The following TIA1 variants were observed in gnomAD, a reference collection of about 807,000 sequenced individuals.
TIA1 encodes the protein cytotoxic granule associated RNA binding protein TIA1.
TIA1 carries 23 observed loss-of-function variants against 65.9 expected under a neutral mutation model. That is an observed-to-expected ratio of 0.35 (90% CI 0.25 to 0.49). The LOEUF (loss-of-function observed/expected upper bound fraction) is 0.49. TIA1 is among the 20% of genes least tolerant of loss of function. The pLI is 0.98. For synonymous variants in TIA1, 147 were observed against 149.4 expected, an observed-to-expected ratio of 0.98 and a Z score of 0.12; for missense variants, 371 against 477.9, an observed-to-expected ratio of 0.78 and a Z score of 2.09.
At chr2:70,224,785 G>A in intron 6 of TIA1, 156 bp from the exon 7 acceptor site, 1 of 1,397,654 alleles carries the variant, frequency 7.2e-7, no homozygotes, top group Non-Finnish European at 9.3e-7. Flanking sequence ...TCATGTATTA[G>A]GAAATGAGGC....
chr2:70,217,766 T>C (rs1430884940), intron 7 of TIA1, among the ~76,000 whole-genome samples: 1 of 152,214 alleles, frequency 6.6e-6, no homozygotes, highest in Non-Finnish European at 1.5e-5. Context: ...ATTACAGGCA[T>C]GAGCCACCAT....
chr2:70,236,268 G>A (rs1363135471), intron 1 of TIA1, 93 bp from the exon 2 acceptor site: 7 of 748,954 alleles, frequency 9.3e-6, no homozygotes, highest in East Asian at 8.5e-5. Flanking sequence ...GCACGATCTC[G>A]GCTCACCACA....
Position 70,215,560 on chromosome 2 carries a change from T to C in TIA1, c.765-66A>G, listed in dbSNP as rs1222212041. ...TTAAATATTTATGAATAAAACCTATTTTTAAAAATCAAGGTGAGTCTGAGG... is the reference window on the plus strand; with the variant it reads ...TTAAATATTTATGAATAAAACCTATCTTTAAAAATCAAGGTGAGTCTGAGG... On this transcript the variant is annotated intron_variant, in intron 10 of 12. Coordinates refer to ENST00000433529, the MANE Select transcript of TIA1 (RefSeq NM_022173.4). 2.1e-6 allele frequency: 3 copies of C among 1,447,878 alleles called. No individual in the cohort carries two copies. In the Admixed American group the frequency reaches 6.8e-5, roughly 33 times the overall value. The allele number at this position is 1,447,878 out of a possible 1,614,324, so 89.7% of individuals were successfully genotyped here. A position where few individuals can be genotyped will look rare whatever the true frequency, so the allele number is the denominator to read the frequency against.
chr2:70,227,634 A>T (rs1684373146), intron 6 of TIA1, 101 bp downstream of exon 6: 1 of 747,098 alleles, frequency 1.3e-6, no homozygotes, highest in East Asian at 2.8e-5. Context: ...TATTCAAGTT[A>T]TAAAATTAAT....
intron 2 of TIA1, 64 bp from the exon 3 acceptor site, chr2:70,230,918 T>TA (rs570158009): frequency 0.012 from 13,006 of 1,120,254 alleles, no homozygotes; most frequent in South Asian, 0.013. Context: ...TAAAATTATG[T>TA]AAAAAAAAAA....
In TIA1 at chr2:70,216,470, C is replaced by A; in HGVS notation, c.613G>T (p.Val205Phe). 6.2e-7 allele frequency: 1 copy of A among 1,613,898 alleles called. No homozygotes were observed. ...SNTKQLSYDE[V>F]VNQSSPSNCT... ...TTGCTTGGACTAGACTGATTTACAA[C>A]CTCATCATATGATAGCTGTTTGGTA... is the stretch of plus-strand genomic sequence containing the variant. Residue 205 changes from valine to phenylalanine, a missense_variant, in exon 9 of 13, where the codon GTT (valine) becomes TTT (phenylalanine). Coordinates refer to ENST00000433529, the MANE Select transcript of TIA1 (RefSeq NM_022173.4).
chr2:70,211,653 C>T lies in TIA1; in HGVS notation c.*1066G>A, dbSNP rs1215280079. On this transcript the variant is annotated 3_prime_UTR_variant, in exon 13 of 13. Coordinates refer to ENST00000433529, the MANE Select transcript of TIA1 (RefSeq NM_022173.4). ...ACATACAACTTTGTGTCTCAAAATTCTTGAAAAACAAGAGCAGATGACTTT... is the reference window on the plus strand; with the variant it reads ...ACATACAACTTTGTGTCTCAAAATTTTTGAAAAACAAGAGCAGATGACTTT... 2 of 152,628 alleles carry T rather than the reference C, an allele frequency of 1.3e-5. No homozygotes were observed. The highest frequency in any genetic ancestry group is 2.1e-4 in the South Asian group (1 of 4,828). The allele number at this position is 152,628 out of a possible 1,614,324, so 9.5% of individuals were successfully genotyped here.
chr2:70,229,026 G>T (rs189388534), intron 5 of TIA1, 33 bp downstream of exon 5: 61 of 1,589,184 alleles, frequency 3.8e-5, no homozygotes, highest in East Asian at 2.1e-4. Flanking sequence ...CCTTTCAAGA[G>T]ATTTCATTTT....
At chr2:70,245,365 A>C (rs1693836900) in intron 1 of TIA1, among the ~76,000 whole-genome samples, 1 of 152,210 alleles carries the variant, frequency 6.6e-6, no homozygotes, top group Admixed American at 6.6e-5. Context: ...ATAACAGTAT[A>C]GTTATCTCAA....
intron 2 of TIA1, among the ~76,000 whole-genome samples, chr2:70,233,422 G>A (rs1687386336): frequency 6.6e-6 from 1 of 152,120 alleles, no homozygotes; most frequent in African/African-American, 2.4e-5. Flanking sequence ...AACACAATGG[G>A]AATTCTATTA....
At chr2:70,227,697 T>C in intron 6 of TIA1, 38 bp downstream of exon 6, 1 of 1,365,422 alleles carries the variant, frequency 7.3e-7, no homozygotes, top group Non-Finnish European at 1.0e-6. Context: ...TATAATTGTT[T>C]CTAATTAAAA....
At chr2:70,219,973 T>A (rs1351530091) in intron 7 of TIA1, among the ~76,000 whole-genome samples, 2 of 152,122 alleles carry the variant, frequency 1.3e-5, no homozygotes, top group East Asian at 3.8e-4. Context: ...TTGAATTGTG[T>A]CCCTCAAAAC....
intron 7 of TIA1, 50 bp downstream of exon 7, chr2:70,224,504 T>C (rs1682974222): frequency 6.2e-7 from 1 of 1,609,654 alleles, no homozygotes; most frequent in South Asian, 1.1e-5. Flanking sequence ...ACGGAGTGTT[T>C]CCATTCTTTA....
At position 70,215,184 on chromosome 2, in the gene TIA1, G is replaced by A. The variant is rs189363421; in HGVS notation, c.888+187C>T. On this transcript the variant is annotated intron_variant, in intron 11 of 12. Coordinates refer to ENST00000433529, the MANE Select transcript of TIA1 (RefSeq NM_022173.4). Reference sequence around the variant, plus strand: ...TGTGTGAGCATGAGTCAATTGAGGCGGTCACATTCATCATGTCACCACTGC... The same window carrying A: ...TGTGTGAGCATGAGTCAATTGAGGCAGTCACATTCATCATGTCACCACTGC... 5.0e-4 allele frequency: 321 copies of A among 646,282 alleles called. 2 individuals carry two copies. In the East Asian group the frequency reaches 8.9e-3, roughly 18 times the overall value. The allele number at this position is 646,282 out of a possible 1,614,324, so 40.0% of individuals were successfully genotyped here. A position where few individuals can be genotyped will look rare whatever the true frequency, so the allele number is the denominator to read the frequency against.
In TIA1 at chr2:70,236,118, G is replaced by A; in HGVS notation, c.84C>T (p.Ser28=). The stretch of plus-strand genomic sequence containing the variant: ...TGCAGTTTTTACAAGGTCCAATCTG[G>A]CTAAAGAGTTGCAGAATTAGAGCTT... ...VTEALILQLF[S]QIGPCKNCKM... Residue 28 remains serine, a synonymous_variant, in exon 2 of 13, where the codon AGC becomes AGT. Coordinates refer to ENST00000433529, the MANE Select transcript of TIA1 (RefSeq NM_022173.4). 6.2e-7 allele frequency: 1 copy of A among 1,612,502 alleles called. No homozygotes were observed. The highest frequency in any genetic ancestry group is 8.5e-7 in the Non-Finnish European group (1 of 1,179,110).
intron 1 of TIA1, among the ~76,000 whole-genome samples, chr2:70,246,230 A>T (rs1348593734): frequency 1.3e-5 from 2 of 152,122 alleles, no homozygotes; most frequent in Non-Finnish European, 2.9e-5. Flanking sequence ...AGCCAATTAT[A>T]CCAGTTTCTT....
intron 7 of TIA1, among the ~76,000 whole-genome samples, chr2:70,220,418 AGAT>A (rs957388814): frequency 1.2e-4 from 19 of 152,100 alleles, no homozygotes; most frequent in African/African-American, 3.6e-4. Flanking sequence ...CGAAAAAAAA[AGAT>A]GATGATTATA....
chr2:70,222,136 A>AAAAC (rs199843119), intron 7 of TIA1, among the ~76,000 whole-genome samples: 2 of 139,654 alleles, frequency 1.4e-5, no homozygotes, highest in African/African-American at 5.0e-5. Flanking sequence ...AAAACAAAAC[A>AAAAC]AAACAAACAA....
chr2:70,236,650 C>T (rs919633457), intron 1 of TIA1, among the ~76,000 whole-genome samples: 4 of 151,808 alleles, frequency 2.6e-5, no homozygotes, highest in African/African-American at 9.7e-5. Context: ...TTTTTTCAGA[C>T]AAGGTCTTCT....
Sources: allele counts gnomAD v4.1 joint callset (sites outside exome capture counted in the v4.1 genomes callset), GRCh38; gene constraint gnomAD v4.1.1; transcripts MANE v1.5; gene names NCBI Gene and HGNC (gene_info 2026-07-23, HGNC 2026-07-21).